SEC24B: variants seen among roughly 807,000 people sequenced by gnomAD.
SEC24B encodes the protein SEC24 homolog B, COPII component.
In SEC24B, 45 loss-of-function variants were observed where a neutral mutation model predicts 142.8. The ratio of observed to expected loss-of-function variants is 0.32; its 90% CI spans 0.25 to 0.40. The LOEUF (loss-of-function observed/expected upper bound fraction) is 0.40. SEC24B is among the 10% of genes least tolerant of loss of function. SEC24B has a pLI of 1.00. For synonymous variants in SEC24B, 574 were observed against 568.2 expected, an observed-to-expected ratio of 1.01 and a Z score of -0.15; for missense variants, 1,409 against 1,526.8, an observed-to-expected ratio of 0.92 and a Z score of 1.29.
At chr4:109,528,228 C>T (rs1390083976) in intron 18 of SEC24B, among the ~76,000 whole-genome samples, 1 of 151,938 alleles carries the variant, frequency 6.6e-6, no homozygotes, top group Non-Finnish European at 1.5e-5. Context: ...CAAGACCAGC[C>T]TGGCCAACAT....
chr4:109,444,677 G>A (rs927953449), intron 1 of SEC24B, among the ~76,000 whole-genome samples: 6 of 151,980 alleles, frequency 3.9e-5, no homozygotes, highest in African/African-American at 1.2e-4. Flanking sequence ...TGCTAAGGAG[G>A]GCATACATGC....
chr4:109,474,599 A>G (rs1170000004), intron 3 of SEC24B, among the ~76,000 whole-genome samples: 2 of 151,602 alleles, frequency 1.3e-5, no homozygotes, highest in Admixed American at 6.6e-5. Flanking sequence ...TAATTTTTGT[A>G]TTTTTGGTGG....
At chr4:109,455,539 C>T (rs932405993) in intron 1 of SEC24B, among the ~76,000 whole-genome samples, 3 of 152,160 alleles carry the variant, frequency 2.0e-5, no homozygotes, top group Non-Finnish European at 2.9e-5. Context: ...CCACACCCGG[C>T]CTGTGATTCA....
At chr4:109,485,303 G>A (rs899904292) in intron 4 of SEC24B, among the ~76,000 whole-genome samples, 9 of 152,194 alleles carry the variant, frequency 5.9e-5, no homozygotes, top group African/African-American at 2.2e-4. Flanking sequence ...ATTAACTGCA[G>A]CCTGAACATA....
intron 1 of SEC24B, among the ~76,000 whole-genome samples, chr4:109,435,284 T>G (rs1214950045): frequency 6.6e-6 from 1 of 152,254 alleles, no homozygotes; most frequent in African/African-American, 2.4e-5. Context: ...TAGTCATTGT[T>G]TACTATAATC....
intron 5 of SEC24B, among the ~76,000 whole-genome samples, chr4:109,491,966 T>C (rs1735065179): frequency 6.6e-6 from 1 of 152,166 alleles, no homozygotes; most frequent in Admixed American, 6.5e-5. Flanking sequence ...TATACTGTGA[T>C]TTTTCTTGCC....
chr4:109,470,711 T>A (rs1293745845), intron 2 of SEC24B, among the ~76,000 whole-genome samples: 4 of 152,210 alleles, frequency 2.6e-5, no homozygotes, highest in Admixed American at 2.6e-4. Flanking sequence ...AAAAGTCCAT[T>A]AATAGCAGAA....
At chr4:109,465,247 G>A (rs1280021016) in intron 2 of SEC24B, among the ~76,000 whole-genome samples, 1 of 152,194 alleles carries the variant, frequency 6.6e-6, no homozygotes, top group Non-Finnish European at 1.5e-5. Flanking sequence ...GTCTGTCACA[G>A]TTCCGAAATC....
intron 6 of SEC24B, among the ~76,000 whole-genome samples, chr4:109,505,389 T>G (rs564189178): frequency 6.6e-6 from 1 of 152,058 alleles, no homozygotes; most frequent in Non-Finnish European, 1.5e-5. Flanking sequence ...ATTGGTGGTG[T>G]TATAAATGTA....
intron 1 of SEC24B, among the ~76,000 whole-genome samples, chr4:109,443,328 G>A (rs1327374278): frequency 6.6e-6 from 1 of 152,006 alleles, no homozygotes; most frequent in African/African-American, 2.4e-5. Flanking sequence ...TTGTCCCTCC[G>A]ATTATCTCAT....
intron 4 of SEC24B, among the ~76,000 whole-genome samples, chr4:109,482,961 T>C (rs1318230938): frequency 0.041 from 2,304 of 56,316 alleles, 207 homozygotes; most frequent in African/African-American, 0.28. Context: ...TATATATATA[T>C]ATATATATAT....
chr4:109,438,028 G>A (rs572534254), intron 1 of SEC24B, among the ~76,000 whole-genome samples: 1 of 152,266 alleles, frequency 6.6e-6, no homozygotes, highest in Admixed American at 6.5e-5. Context: ...AGAAGTAGAA[G>A]TTCAGTTGTT....
At chr4:109,456,047 T>G (rs544553967) in intron 1 of SEC24B, among the ~76,000 whole-genome samples, 67 of 152,308 alleles carry the variant, frequency 4.4e-4, no homozygotes, top group African/African-American at 1.6e-3. Flanking sequence ...AATCCTTGCT[T>G]CTTTTCATCA....
At chr4:109,489,836 A>G (rs962617581) in intron 4 of SEC24B, among the ~76,000 whole-genome samples, 3 of 151,754 alleles carry the variant, frequency 2.0e-5, no homozygotes, top group African/African-American at 4.8e-5. Context: ...TTATCCATTC[A>G]TCTGTTGATG....
chr4:109,485,496 C>CAT (rs1395793293), intron 4 of SEC24B, among the ~76,000 whole-genome samples: 1 of 152,146 alleles, frequency 6.6e-6, no homozygotes, highest in East Asian at 1.9e-4. Context: ...GTTAAACGTA[C>CAT]ATGTTATCTT....
At chr4:109,434,390 C>T (rs190301923) in intron 1 of SEC24B, among the ~76,000 whole-genome samples, 1 of 152,180 alleles carries the variant, frequency 6.6e-6, no homozygotes, top group African/African-American at 2.4e-5. Flanking sequence ...CCCCGAGCGA[C>T]CCCTTGGCTG....
chr4:109,485,021 A>G (rs1316277154), intron 4 of SEC24B, among the ~76,000 whole-genome samples: 3 of 152,182 alleles, frequency 2.0e-5, no homozygotes, highest in African/African-American at 7.2e-5. Flanking sequence ...GTAGCAATAC[A>G]GAGCTAGTAT....
chr4:109,458,048 A>G (rs1185648838), intron 1 of SEC24B, among the ~76,000 whole-genome samples: 2 of 151,824 alleles, frequency 1.3e-5, no homozygotes, highest in Non-Finnish European at 2.9e-5. Flanking sequence ...TTAGACTGCT[A>G]TGTGTTGTCC....
intron 17 of SEC24B, 102 bp from the exon 18 acceptor site, chr4:109,527,218 CAA>C (rs71594190): frequency 0.024 from 15,254 of 632,802 alleles, 10 homozygotes; most frequent in South Asian, 0.029. Context: ...GACTCCGTCT[CAA>C]AAAAAAAAAA....
Sources: allele counts gnomAD v4.1 joint callset (sites outside exome capture counted in the v4.1 genomes callset), GRCh38; gene constraint gnomAD v4.1.1; transcripts MANE v1.5; gene names NCBI Gene and HGNC (gene_info 2026-07-23, HGNC 2026-07-21).